The following BORCS8 variants were observed in gnomAD, a reference collection of about 807,000 sequenced individuals.
BORCS8 encodes BLOC-1-related complex subunit 8.
BORCS8 carries 13 observed loss-of-function variants against 18.7 expected under a neutral mutation model. The observed-to-expected ratio is 0.70, with a 90% CI of 0.45 to 1.11. The LOEUF is 1.11. Among genes scored for constraint, BORCS8 ranks in the 50% least tolerant of loss-of-function variants. The pLI, the probability that BORCS8 is intolerant of heterozygous loss-of-function variation, is 0.00. For missense variants in BORCS8, 165 were observed against 165.7 expected (o/e 1.00, Z 0.02); for synonymous variants, 68 against 64.8 (o/e 1.05, Z -0.24).
intron 1 of BORCS8, among the ~76,000 whole-genome samples, chr19:19,187,476 C>CAAA (rs35314944): frequency 2.5e-5 from 3 of 122,410 alleles, no homozygotes; most frequent in Non-Finnish European, 3.4e-5. Context: ...AACTCCATCT[C>CAAA]AAAAAAAAAA....
Position 19,180,780 on chromosome 19 carries a change from A to G in BORCS8, c.327-19T>C. On this transcript the variant is annotated intron_variant, in intron 4 of 5. Coordinates refer to ENST00000462790, the MANE Select transcript of BORCS8 (RefSeq NM_001145784.2). ...CTCCGGGCTGCAACAAAACATGTGCAGCATCCATGAGGCCAAGGTCAGAGG... is the reference window on the plus strand; with the variant it reads ...CTCCGGGCTGCAACAAAACATGTGCGGCATCCATGAGGCCAAGGTCAGAGG... 6.5e-7 allele frequency: 1 copy of G among 1,540,820 alleles called. No homozygotes were observed. The highest frequency in any genetic ancestry group is 8.8e-7 in the Non-Finnish European group (1 of 1,141,384).
Position 19,186,938 on chromosome 19 carries a change from C to T in BORCS8, c.105G>A (p.Leu35=). ...GGAGGGAGCGACGCACATGCTCCTG[C>T]AGCCGGTACAGGGCCACGGATGGCT... is the stretch of plus-strand genomic sequence containing the variant. ...ANEPSVALYR[L]QEHVRRSLPE... The change falls in exon 2 of 6, where the codon CTG becomes CTA. Residue 35 remains leucine (L), a synonymous_variant. Transcript: ENST00000462790. 1 of 1,551,220 alleles carries T rather than the reference C, an allele frequency of 6.4e-7. No individual in the cohort carries two copies. Among genetic ancestry groups the T allele is most frequent in the Non-Finnish European group, 8.7e-7 (1 of 1,146,886 alleles).
intron 1 of BORCS8, 163 bp from the exon 2 acceptor site, chr19:19,187,168 AG>A (rs1720834307): frequency 1.7e-6 from 1 of 594,214 alleles, no homozygotes; most frequent in South Asian, 2.0e-5. Flanking sequence ...TGGTCACAGC[AG>A]GGCTCACTCA....
intron 1 of BORCS8, among the ~76,000 whole-genome samples, chr19:19,188,989 C>T (rs1240653237): frequency 6.6e-6 from 1 of 152,106 alleles, no homozygotes; most frequent in Admixed American, 6.6e-5. Flanking sequence ...CACCCGCCAC[C>T]ACGCCTGGCT....
intron 1 of BORCS8, among the ~76,000 whole-genome samples, chr19:19,187,433 G>A (rs111784633): frequency 6.2e-4 from 93 of 149,520 alleles, no homozygotes; most frequent in Non-Finnish European, 1.1e-3. Flanking sequence ...CTGACGTCAT[G>A]CCATTGCACT....
At position 19,186,538 on chromosome 19, in the gene BORCS8, TTAA is replaced by T. The variant is rs199914132; in HGVS notation, c.150+352_150+354del. On this transcript the variant is annotated intron_variant, in intron 2 of 5. Transcript: ENST00000462790. ...TGAGTTCTCACGAGATCTTGTGGTT[TTAA>T]TAAGGGGCCTCCCCCTTCACTGGGC... is the stretch of plus-strand genomic sequence containing the variant. 1.9e-3 allele frequency among the ~76,000 whole-genome samples: 291 copies of T among 152,292 alleles called. 4 individuals are homozygous for T. Among genetic ancestry groups the T allele is most frequent in the African/African-American group, 6.5e-3 (272 of 41,554 alleles).
intron 1 of BORCS8, among the ~76,000 whole-genome samples, chr19:19,187,890 G>A (rs546068738): frequency 8.5e-4 from 129 of 151,724 alleles, no homozygotes; most frequent in African/African-American, 3.0e-3. Context: ...TGCCCAGGCT[G>A]GAGTGCAGTG....
intron 1 of BORCS8, among the ~76,000 whole-genome samples, chr19:19,188,984 G>A (rs566062310): frequency 4.0e-4 from 61 of 152,096 alleles, no homozygotes; most frequent in Non-Finnish European, 7.1e-4. Context: ...ACAGGCACCC[G>A]CCACCACGCC....
chr19:19,186,869 T>C, intron 2 of BORCS8, 24 bp downstream of exon 2: 3 of 1,487,866 alleles, frequency 2.0e-6, no homozygotes, highest in Admixed American at 2.2e-5. Context: ...CAGCCCCTGC[T>C]CCTCCCAGCA....
At chr19:19,183,587 T>A (rs1460285755) in intron 3 of BORCS8, among the ~76,000 whole-genome samples, 4 of 151,368 alleles carry the variant, frequency 2.6e-5, no homozygotes, top group Admixed American at 6.6e-5. Flanking sequence ...TTTTTTTCTT[T>A]CTTTTTTTTT....
At chr19:19,184,229 G>C (rs1246013242) in intron 3 of BORCS8, among the ~76,000 whole-genome samples, 3 of 151,784 alleles carry the variant, frequency 2.0e-5, no homozygotes, top group African/African-American at 4.8e-5. Flanking sequence ...CCATGGCGTA[G>C]GTTCCTGGAT....
intron 1 of BORCS8, among the ~76,000 whole-genome samples, chr19:19,190,656 T>C (rs1452089029): frequency 6.6e-6 from 1 of 152,096 alleles, no homozygotes; most frequent in Non-Finnish European, 1.5e-5. Context: ...GGCATGGTGG[T>C]GCATGCCTGT....
At position 19,187,141 on chromosome 19, in the gene BORCS8, T is replaced by C. The variant is rs761830984; in HGVS notation, c.38-136A>G. The C allele has an allele frequency of 6.4e-6, 4 of 629,742 alleles. No individual in the cohort carries two copies. In the Admixed American group the frequency reaches 1.2e-4, roughly 19 times the overall value. The allele number at this position is 629,742 out of a possible 1,614,324, so 39.0% of individuals were successfully genotyped here. On this transcript the variant is annotated intron_variant, in intron 1 of 5. Transcript: ENST00000462790. ...CCGCAGCTAGGTCACTCCTGGCCCATGACAGGCTGGAGGAAGTGGTCACAG... is the reference window on the plus strand; with the variant it reads ...CCGCAGCTAGGTCACTCCTGGCCCACGACAGGCTGGAGGAAGTGGTCACAG...
chr19:19,191,275 A>AT (rs936740703), intron 1 of BORCS8, among the ~76,000 whole-genome samples: 53 of 151,912 alleles, frequency 3.5e-4, no homozygotes, highest in African/African-American at 1.0e-3. Context: ...GTGAGCTGAG[A>AT]TCCCCCCACG....
chr19:19,183,409 CAAAA>C (rs748324832), intron 3 of BORCS8, among the ~76,000 whole-genome samples: 1 of 115,964 alleles, frequency 8.6e-6, no homozygotes. Context: ...GACTCCGTCT[CAAAA>C]AAAAAAAAAA....
At chr19:19,181,069 C>T (rs1284113882) in intron 4 of BORCS8, among the ~76,000 whole-genome samples, 1 of 152,062 alleles carries the variant, frequency 6.6e-6, no homozygotes. Context: ...GTGGCAGGCG[C>T]CTGTAATCCC....
At chr19:19,185,246 A>G (rs1481718475) in intron 3 of BORCS8, among the ~76,000 whole-genome samples, 1 of 152,246 alleles carries the variant, frequency 6.6e-6, no homozygotes, top group Non-Finnish European at 1.5e-5. Context: ...AATGGCCCAC[A>G]GCCCATGTCA....
intron 5 of BORCS8, 22 bp downstream of exon 5, chr19:19,180,664 C>G (rs746532733): frequency 1.1e-5 from 16 of 1,483,152 alleles, no homozygotes; most frequent in Non-Finnish European, 1.5e-5. Flanking sequence ...GAGAGAGGCT[C>G]GTGGCTACCC....
chr19:19,181,149 C>T (rs527815216), intron 4 of BORCS8, among the ~76,000 whole-genome samples: 1 of 150,574 alleles, frequency 6.6e-6, no homozygotes, highest in East Asian at 2.0e-4. Flanking sequence ...GAGCTAAGAT[C>T]GCACCAGTGC....
Sources: gnomAD v4.1 joint callset for allele counts (sites outside exome capture counted in the v4.1 genomes callset) on GRCh38, gnomAD v4.1.1 for gene constraint, MANE v1.5 for transcripts, NCBI Gene and HGNC (gene_info 2026-07-23, HGNC 2026-07-21) for gene names.